The following CSMD1 variants were observed in gnomAD, a reference collection of about 807,000 sequenced individuals.
CSMD1 encodes the protein CUB and Sushi multiple domains 1.
In CSMD1, 213 loss-of-function variants were observed where a neutral mutation model predicts 417.5. That is an observed-to-expected ratio of 0.51 (90% CI 0.46 to 0.57). The LOEUF (loss-of-function observed/expected upper bound fraction) is 0.57. Ranked by LOEUF, CSMD1 falls within the 20% of genes least tolerant of loss-of-function variation. The pLI is 0.00. For synonymous variants in CSMD1, 2,862 were observed against 1,736.8 expected (o/e 1.65, Z -16.11); for missense variants, 6,923 against 4,529.7 (o/e 1.53, Z -15.17).
chr8:4,506,586 T>A (rs1802539422), intron 2 of CSMD1, among the ~76,000 whole-genome samples: 1 of 152,138 alleles, frequency 6.6e-6, no homozygotes, highest in Non-Finnish European at 1.5e-5. Context: ...AGGAAGTCAC[T>A]ACCATTCTAA....
intron 2 of CSMD1, among the ~76,000 whole-genome samples, chr8:4,588,427 T>C (rs995510242): frequency 2.0e-5 from 3 of 151,094 alleles, no homozygotes; most frequent in Admixed American, 1.3e-4. Context: ...TCTCTTCCTC[T>C]AGATAGTACA....
intron 2 of CSMD1, among the ~76,000 whole-genome samples, chr8:4,463,583 T>A (rs1799972650): frequency 1.3e-5 from 2 of 152,020 alleles, no homozygotes; most frequent in South Asian, 2.1e-4. Context: ...ACAGAAGAAG[T>A]GAACTGCCGA....
At chr8:3,763,136 C>T (rs541488349) in intron 5 of CSMD1, among the ~76,000 whole-genome samples, 3 of 152,306 alleles carry the variant, frequency 2.0e-5, no homozygotes, top group Non-Finnish European at 2.9e-5. Flanking sequence ...TGCACATTGG[C>T]TGAATAAGCC....
At chr8:4,087,648 ACTCTTT>A (rs1048025129) in intron 3 of CSMD1, among the ~76,000 whole-genome samples, 11 of 150,122 alleles carry the variant, frequency 7.3e-5, no homozygotes, top group Admixed American at 7.3e-4. Context: ...TCACATTCTT[ACTCTTT>A]CTCATTTTGT....
chr8:4,605,276 AAAGAAG>A (rs138082067), intron 2 of CSMD1, among the ~76,000 whole-genome samples: 3 of 151,894 alleles, frequency 2.0e-5, no homozygotes, highest in East Asian at 1.9e-4. Context: ...TTTAAGAAAA[AAAGAAG>A]AAGAAGAAGA....
At chr8:4,482,011 T>C (rs1338574045) in intron 2 of CSMD1, among the ~76,000 whole-genome samples, 1 of 152,188 alleles carries the variant, frequency 6.6e-6, no homozygotes, top group Non-Finnish European at 1.5e-5. Flanking sequence ...TTTCCAGAGA[T>C]TTATGAATTC....
intron 2 of CSMD1, among the ~76,000 whole-genome samples, chr8:4,557,820 G>A (rs945482850): frequency 4.6e-5 from 7 of 152,094 alleles, no homozygotes; most frequent in East Asian, 1.9e-4. Flanking sequence ...TTCATTTCTC[G>A]TTACGTTTCA....
intron 2 of CSMD1, among the ~76,000 whole-genome samples, chr8:4,564,398 C>T (rs1218557482): frequency 1.3e-5 from 2 of 152,104 alleles, no homozygotes; most frequent in African/African-American, 2.4e-5. Flanking sequence ...ATGTGTTGCT[C>T]ACTGTTCTGG....
chr8:3,241,222 A>G (rs569450523), intron 26 of CSMD1, among the ~76,000 whole-genome samples: 134 of 151,420 alleles, frequency 8.8e-4, no homozygotes, highest in Non-Finnish European at 1.7e-3. Context: ...GATAACTAAA[A>G]AGGAGTGCTT....
chr8:4,291,440 T>G (rs1450201908), intron 3 of CSMD1, among the ~76,000 whole-genome samples: 1 of 152,162 alleles, frequency 6.6e-6, no homozygotes, highest in African/African-American at 2.4e-5. Flanking sequence ...ATGGTAGAAT[T>G]TGAATTAACT....
At chr8:3,088,116 C>T (rs1219674386) in intron 48 of CSMD1, among the ~76,000 whole-genome samples, 1 of 152,162 alleles carries the variant, frequency 6.6e-6, no homozygotes, top group Non-Finnish European at 1.5e-5. Context: ...CTTTAATCAT[C>T]CCTCTTTGTA....
In CSMD1 at chr8:4,478,986, C is replaced by T. The variant is rs76671138; in HGVS notation, c.303-58921G>A. The stretch of plus-strand genomic sequence containing the variant: ...AGTTTATTAATTCCCCCAAAAGGAA[C>T]GATAATTCCTACACTAAAACACTGT... On this transcript the variant is annotated intron_variant, in intron 2 of 69. Transcript: ENST00000635120. Among the ~76,000 whole-genome samples, 958 of 152,188 alleles carry T rather than the reference C, an allele frequency of 6.3e-3. 7 individuals are homozygous for T. Among genetic ancestry groups the T allele is most frequent in the Non-Finnish European group, 0.01 (711 of 68,002 alleles).
At chr8:3,028,036 G>A (rs1810072046) in intron 51 of CSMD1, among the ~76,000 whole-genome samples, 1 of 152,204 alleles carries the variant, frequency 6.6e-6, no homozygotes, top group South Asian at 2.1e-4. Flanking sequence ...TGGGAAGACA[G>A]GGACACCGTA....
At chr8:4,410,540 C>T (rs1444935450) in intron 3 of CSMD1, among the ~76,000 whole-genome samples, 1 of 152,144 alleles carries the variant, frequency 6.6e-6, no homozygotes, top group Admixed American at 6.5e-5. Flanking sequence ...TAGACATCAT[C>T]CACTCTCATT....
At chr8:4,458,588 A>AG (rs937555360) in intron 2 of CSMD1, among the ~76,000 whole-genome samples, 3 of 152,206 alleles carry the variant, frequency 2.0e-5, no homozygotes, top group South Asian at 2.1e-4. Flanking sequence ...AGTAAATACA[A>AG]GGAAAAAAAA....
chr8:3,073,411 C>T (rs1266834271), intron 49 of CSMD1, among the ~76,000 whole-genome samples: 2 of 152,102 alleles, frequency 1.3e-5, no homozygotes, highest in South Asian at 2.1e-4. Flanking sequence ...ACTGGGTAGC[C>T]ATCTGAGAGG....
intron 3 of CSMD1, among the ~76,000 whole-genome samples, chr8:4,263,850 A>T (rs1047471528): frequency 6.6e-6 from 1 of 152,188 alleles, no homozygotes; most frequent in Non-Finnish European, 1.5e-5. Flanking sequence ...ACTCAAAAAC[A>T]TTAACTTATT....
chr8:4,272,420 A>T (rs1002925201), intron 3 of CSMD1, among the ~76,000 whole-genome samples: 2 of 152,230 alleles, frequency 1.3e-5, no homozygotes, highest in African/African-American at 4.8e-5. Flanking sequence ...GATTACATAT[A>T]TCATACTACA....
chr8:3,614,860 C>A (rs186919120), intron 8 of CSMD1, among the ~76,000 whole-genome samples: 1 of 152,030 alleles, frequency 6.6e-6, no homozygotes, highest in Admixed American at 6.6e-5. Flanking sequence ...GTGAGCACAT[C>A]GTGATGATGC....
Sources: gnomAD v4.1 joint callset for allele counts (sites outside exome capture counted in the v4.1 genomes callset) on GRCh38, gnomAD v4.1.1 for gene constraint, MANE v1.5 for transcripts, NCBI Gene and HGNC (gene_info 2026-07-23, HGNC 2026-07-21) for gene names.